The following SLC35F3 variants were observed in gnomAD, a reference collection of about 807,000 sequenced individuals.
SLC35F3 encodes the protein putative thiamine transporter SLC35F3.
Under a neutral mutation model 49.9 loss-of-function variants are expected in SLC35F3, and 25 were observed. That is an observed-to-expected ratio of 0.50 (90% CI 0.37 to 0.70). The LOEUF (loss-of-function observed/expected upper bound fraction) is 0.70, where lower values mean the gene tolerates loss of function less well. SLC35F3 is among the 30% of genes least tolerant of loss of function. The pLI, the probability that SLC35F3 is intolerant of heterozygous loss-of-function variation, is 0.00. For missense variants in SLC35F3, 525 were observed against 639.8 expected (o/e 0.82, Z 1.94); for synonymous variants, 275 against 265.4 (o/e 1.04, Z -0.35).
At chr1:234,020,556 G>A (rs935002731) in intron 2 of SLC35F3, among the ~76,000 whole-genome samples, 13 of 151,954 alleles carry the variant, frequency 8.6e-5, no homozygotes, top group African/African-American at 2.9e-4. Flanking sequence ...TAAACTGGCA[G>A]TGGGATAAAT....
intron 2 of SLC35F3, among the ~76,000 whole-genome samples, chr1:233,912,882 C>G (rs1661905973): frequency 6.6e-6 from 1 of 152,166 alleles, no homozygotes; most frequent in Non-Finnish European, 1.5e-5. Context: ...GAAGCAAAAC[C>G]ATGGAAAAGG....
At chr1:234,241,383 C>T (rs1484996877) in intron 3 of SLC35F3, among the ~76,000 whole-genome samples, 2 of 152,138 alleles carry the variant, frequency 1.3e-5, no homozygotes, top group African/African-American at 4.8e-5. Context: ...GTTTACACCC[C>T]ACATGACTTT....
rs1664226524 is a variant in SLC35F3 at position 234,041,842 on chromosome 1, T to A, written c.283+136084T>A. On this transcript the variant is annotated intron_variant, in intron 2 of 7. Coordinates refer to ENST00000366618, the MANE Select transcript of SLC35F3 (RefSeq NM_173508.4). Reference sequence around the variant, plus strand: ...GTATTCAATAATCATATTGACCAGATCCTTAGATGGGTGGATGATGGGTGG... The same window carrying A: ...GTATTCAATAATCATATTGACCAGAACCTTAGATGGGTGGATGATGGGTGG... Among the ~76,000 whole-genome samples the A allele has an allele frequency of 1.3e-5, 2 of 152,160 alleles. 1 individual carries two copies. The highest frequency in any genetic ancestry group is 4.1e-4 in the South Asian group (2 of 4,820).
At chr1:234,035,130 T>C (rs1454362666) in intron 2 of SLC35F3, among the ~76,000 whole-genome samples, 4 of 152,210 alleles carry the variant, frequency 2.6e-5, no homozygotes. Flanking sequence ...TGTATCTTTC[T>C]TTCTGGGATT....
chr1:233,966,915 C>G (rs181699167), intron 2 of SLC35F3, among the ~76,000 whole-genome samples: 72 of 152,290 alleles, frequency 4.7e-4, no homozygotes, highest in African/African-American at 1.7e-3. Flanking sequence ...ACTTCCAGCC[C>G]TGTGTGAGAT....
intron 2 of SLC35F3, among the ~76,000 whole-genome samples, chr1:234,076,256 C>T (rs1189950315): frequency 6.7e-6 from 1 of 150,228 alleles, no homozygotes; most frequent in Non-Finnish European, 1.5e-5. Flanking sequence ...GTGACAGCCC[C>T]ATTAATTCTG....
intron 2 of SLC35F3, among the ~76,000 whole-genome samples, chr1:234,194,825 C>T (rs7531988): frequency 0.14 from 20,934 of 152,096 alleles, 3,648 homozygotes; most frequent in East Asian, 0.88. Flanking sequence ...TATTCCAATT[C>T]AAACATGGGT....
At chr1:234,114,653 A>T (rs905000851) in intron 2 of SLC35F3, among the ~76,000 whole-genome samples, 4 of 152,238 alleles carry the variant, frequency 2.6e-5, no homozygotes, top group Admixed American at 2.0e-4. Flanking sequence ...TTTTAAGAGT[A>T]ATTTTAGCTC....
chr1:233,982,122 GC>G (rs1256811231), intron 2 of SLC35F3, among the ~76,000 whole-genome samples: 1 of 152,014 alleles, frequency 6.6e-6, no homozygotes, highest in Non-Finnish European at 1.5e-5. Context: ...ATGGGGTTTT[GC>G]CATGTTGGCC....
intron 2 of SLC35F3, among the ~76,000 whole-genome samples, chr1:234,192,416 C>A (rs1666744509): frequency 6.6e-6 from 1 of 152,182 alleles, no homozygotes; most frequent in African/African-American, 2.4e-5. Context: ...ATGATTAAAA[C>A]CTTCAGCAAA....
chr1:234,072,707 A>G (rs1165613771), intron 2 of SLC35F3, among the ~76,000 whole-genome samples: 1 of 152,202 alleles, frequency 6.6e-6, no homozygotes, highest in Non-Finnish European at 1.5e-5. Context: ...CAATGAGGCT[A>G]TGCTTGAAGT....
At chr1:234,286,710 C>CAA (rs776387467) in intron 3 of SLC35F3, among the ~76,000 whole-genome samples, 192 of 152,218 alleles carry the variant, frequency 1.3e-3, no homozygotes, top group Non-Finnish European at 2.5e-3. Flanking sequence ...AAACAGAAAA[C>CAA]GTATTAGATG....
intron 2 of SLC35F3, among the ~76,000 whole-genome samples, chr1:234,002,234 C>T (rs1002955385): frequency 6.6e-6 from 1 of 152,164 alleles, no homozygotes; most frequent in Non-Finnish European, 1.5e-5. Context: ...AAACATTTGT[C>T]ATAATTGAGG....
At chr1:233,912,589 G>A (rs1449808818) in intron 2 of SLC35F3, among the ~76,000 whole-genome samples, 2 of 152,164 alleles carry the variant, frequency 1.3e-5, no homozygotes, top group South Asian at 2.1e-4. Flanking sequence ...CCGCTTTATC[G>A]GAGGGAGAAT....
At chr1:233,927,953 A>G (rs1662185727) in intron 2 of SLC35F3, among the ~76,000 whole-genome samples, 1 of 152,214 alleles carries the variant, frequency 6.6e-6, no homozygotes, top group Non-Finnish European at 1.5e-5. Flanking sequence ...ATATCTTATA[A>G]CTTTCAAATT....
At chr1:233,973,845 T>A (rs1258584914) in intron 2 of SLC35F3, among the ~76,000 whole-genome samples, 1 of 152,238 alleles carries the variant, frequency 6.6e-6, no homozygotes, top group Admixed American at 6.5e-5. Context: ...AGCATAAATT[T>A]TTTTTCTTTT....
chr1:234,097,534 A>G (rs528678189), intron 2 of SLC35F3, among the ~76,000 whole-genome samples: 1 of 152,230 alleles, frequency 6.6e-6, no homozygotes, highest in Admixed American at 6.5e-5. Context: ...AAGTCTACAC[A>G]CACATACACG....
intron 2 of SLC35F3, among the ~76,000 whole-genome samples, chr1:234,010,251 G>C (rs1372594750): frequency 6.6e-6 from 1 of 152,194 alleles, no homozygotes; most frequent in African/African-American, 2.4e-5. Flanking sequence ...GAGAGTTGTT[G>C]TAGGTAATCA....
At chr1:234,309,404 T>A in intron 4 of SLC35F3, 84 bp downstream of exon 4, 1 of 1,197,634 alleles carries the variant, frequency 8.3e-7, no homozygotes. Flanking sequence ...CTCCATGTGC[T>A]GGACCATGAG....
Sources: gnomAD v4.1 joint callset for allele counts (sites outside exome capture counted in the v4.1 genomes callset) on GRCh38, gnomAD v4.1.1 for gene constraint, MANE v1.5 for transcripts, NCBI Gene and HGNC (gene_info 2026-07-23, HGNC 2026-07-21) for gene names.